The following REDIC1 variants were observed in gnomAD, a reference collection of about 807,000 sequenced individuals.
REDIC1 encodes the protein HEI10 Interacting Protein 1.
the REDIC1 span, among the ~76,000 whole-genome samples, chr12:39,805,647 G>A: frequency 6.6e-6 from 1 of 152,032 alleles, no homozygotes. Context: ...TGCTGACAGC[G>A]CTCCTTAAAA....
the REDIC1 span, among the ~76,000 whole-genome samples, chr12:39,700,407 G>A: frequency 6.6e-6 from 1 of 152,248 alleles, no homozygotes; most frequent in South Asian, 2.1e-4. Flanking sequence ...AAAGCAACGA[G>A]CAAAGCCTCC....
the REDIC1 span, among the ~76,000 whole-genome samples, chr12:39,820,715 A>C: frequency 2.3e-5 from 1 of 43,392 alleles, no homozygotes; most frequent in Non-Finnish European, 4.4e-5. Context: ...AAATTTTTAA[A>C]TTTATATATA....
the REDIC1 span, among the ~76,000 whole-genome samples, chr12:39,687,477 G>A: frequency 7.4e-5 from 4 of 54,404 alleles, no homozygotes; most frequent in Non-Finnish European, 1.7e-4. Context: ...GAGCAAGAGA[G>A]AGTGAGGTGG....
the REDIC1 span, among the ~76,000 whole-genome samples, chr12:39,653,736 C>T: frequency 0.79 from 120,186 of 151,654 alleles, 48,368 homozygotes; most frequent in Non-Finnish European, 0.86. Context: ...GCAGATGTGC[C>T]TATTGTTCTC....
the REDIC1 span, chr12:39,646,413 C>T: frequency 2.1e-5 from 31 of 1,488,528 alleles, no homozygotes; most frequent in South Asian, 3.3e-4. Context: ...CTTACAATGT[C>T]GCCTCACTGT....
the REDIC1 span, among the ~76,000 whole-genome samples, chr12:39,827,990 G>A: frequency 6.6e-6 from 1 of 152,024 alleles, no homozygotes; most frequent in Admixed American, 6.6e-5. Flanking sequence ...GGGAATCCAA[G>A]GTCATGGTTG....
chr12:39,677,968 T>G, the REDIC1 span, among the ~76,000 whole-genome samples: 1 of 152,090 alleles, frequency 6.6e-6, no homozygotes, highest in Non-Finnish European at 1.5e-5. Flanking sequence ...TTAATAGCAT[T>G]AAATGCCTAC....
the REDIC1 span, among the ~76,000 whole-genome samples, chr12:39,894,834 G>A: frequency 6.6e-6 from 1 of 151,800 alleles, no homozygotes; most frequent in Non-Finnish European, 1.5e-5. Context: ...GAGAGGGAAA[G>A]AAAGCAAAAA....
chr12:39,838,500 AT>A, the REDIC1 span, among the ~76,000 whole-genome samples: 4 of 95,388 alleles, frequency 4.2e-5, no homozygotes, highest in South Asian at 3.2e-4. Flanking sequence ...ATAAAAAAAA[AT>A]AAATTAAAAA....
the REDIC1 span, among the ~76,000 whole-genome samples, chr12:39,888,329 A>G: frequency 7.9e-5 from 12 of 152,128 alleles, no homozygotes; most frequent in Non-Finnish European, 1.6e-4. Context: ...GGTTCAAGCA[A>G]TTCTCCTGTC....
chr12:39,766,923 T>A, the REDIC1 span, among the ~76,000 whole-genome samples: 1 of 152,092 alleles, frequency 6.6e-6, no homozygotes, highest in Non-Finnish European at 1.5e-5. Context: ...TCCCCTAAAG[T>A]CTTCAGCCCT....
the REDIC1 span, among the ~76,000 whole-genome samples, chr12:39,777,268 C>T: frequency 2.0e-5 from 3 of 152,078 alleles, no homozygotes; most frequent in South Asian, 2.1e-4. Context: ...GGGAAATAGT[C>T]AATTGAAATA....
chr12:39,635,869 T>TGTA, the REDIC1 span, among the ~76,000 whole-genome samples: 1 of 152,174 alleles, frequency 6.6e-6, no homozygotes, highest in South Asian at 2.1e-4. Flanking sequence ...AATCCATGTC[T>TGTA]AGCTACCTGT....
the REDIC1 span, among the ~76,000 whole-genome samples, chr12:39,668,048 A>G: frequency 1.3e-5 from 2 of 151,864 alleles, no homozygotes; most frequent in African/African-American, 4.8e-5. Flanking sequence ...TTTTAATTGG[A>G]GTATTTAGCC....
chr12:39,785,051 A>AT, the REDIC1 span, among the ~76,000 whole-genome samples: 7 of 152,192 alleles, frequency 4.6e-5, no homozygotes, highest in South Asian at 1.4e-3. Context: ...AGAAAAACCC[A>AT]TTTTCTGGGG....
At chr12:39,734,023 A>C in the REDIC1 span, among the ~76,000 whole-genome samples, 1 of 152,140 alleles carries the variant, frequency 6.6e-6, no homozygotes, top group South Asian at 2.1e-4. Context: ...CTTGAAACCC[A>C]GGGCCCTGGT....
the REDIC1 span, among the ~76,000 whole-genome samples, chr12:39,782,311 G>T: frequency 6.6e-6 from 1 of 152,048 alleles, no homozygotes; most frequent in Non-Finnish European, 1.5e-5. Flanking sequence ...TGTTGTGGAA[G>T]GTACCCAGGG....
the REDIC1 span, among the ~76,000 whole-genome samples, chr12:39,724,931 A>C: frequency 6.6e-6 from 1 of 152,100 alleles, no homozygotes; most frequent in South Asian, 2.1e-4. Context: ...AGAGAGAGAG[A>C]GAATAGAGGC....
chr12:39,640,666 T>A, the REDIC1 span, among the ~76,000 whole-genome samples: 2 of 151,870 alleles, frequency 1.3e-5, no homozygotes, highest in East Asian at 1.9e-4. Flanking sequence ...TTCTTTCCAA[T>A]GCATTTTTTT....
Sources: allele counts gnomAD v4.1 joint callset (sites outside exome capture counted in the v4.1 genomes callset), GRCh38; gene constraint gnomAD v4.1.1; transcripts MANE v1.5; gene names NCBI Gene and HGNC (gene_info 2026-07-23, HGNC 2026-07-21).